VAMP1: variants seen among roughly 807,000 people sequenced by gnomAD.
The protein encoded by VAMP1 is vesicle associated membrane protein 1.
In VAMP1, 16 loss-of-function variants were observed where a neutral mutation model predicts 19.1. The observed-to-expected ratio is 0.84, with a 90% CI of 0.57 to 1.27. VAMP1 has a LOEUF of 1.27. VAMP1 is among the 50% of genes most tolerant of loss of function. VAMP1 has a pLI of 0.00. For synonymous variants in VAMP1, 37 were observed against 50.2 expected (o/e 0.74, Z 1.11); for missense variants, 109 against 145.4 (o/e 0.75, Z 1.29).
chr12:6,464,141 A>G lies in VAMP1; in HGVS notation c.*329T>C. On this transcript the variant is annotated 3_prime_UTR_variant, in exon 5 of 5. Transcript: ENST00000396308. ...CCCAAGTCTGGGCAGCTTCATGGGT[A>G]CTTCGCCTCAGCCACTCCCCTCCCT... The G allele has an allele frequency of 7.3e-7, 1 of 1,379,142 alleles. No individual in the cohort carries two copies. Among genetic ancestry groups the G allele is most frequent in the Non-Finnish European group, 9.6e-7 (1 of 1,046,754 alleles). The allele number at this position is 1,379,142 out of a possible 1,614,324, so 85.4% of individuals were successfully genotyped here.
At chr12:6,465,701 T>C in intron 3 of VAMP1, 141 bp downstream of exon 3, 1 of 1,208,726 alleles carries the variant, frequency 8.3e-7, no homozygotes, top group Non-Finnish European at 1.1e-6. Flanking sequence ...AAGAGGAGGC[T>C]TTCCAGATTT....
In VAMP1 at chr12:6,464,904, A is replaced by G; in HGVS notation, c.326T>C (p.Val109Ala). Residue 109 changes from valine to alanine, a missense_variant, in exon 4 of 5, where the codon GTG becomes GCG. Val to Ala is a moderately conservative substitution (Grantham distance 64, BLOSUM62 0). Coordinates refer to ENST00000396308, the MANE Select transcript of VAMP1 (RefSeq NM_014231.5). ...IMLGAICAII[V>A]VVIVIYFFT Reference sequence around the variant, plus strand: ...GCGATACTTACTTACAATAACTACCACGATGATGGCACAGATGGCTCCCAG... The same window carrying G: ...GCGATACTTACTTACAATAACTACCGCGATGATGGCACAGATGGCTCCCAG... 6.2e-7 allele frequency: 1 copy of G among 1,613,918 alleles called. No individual in the cohort carries two copies. Among genetic ancestry groups the G allele is most frequent in the Non-Finnish European group, 8.5e-7 (1 of 1,179,962 alleles).
Position 6,462,583 on chromosome 12 carries a change from TA to T in VAMP1, c.*1886del. On this transcript the variant is annotated 3_prime_UTR_variant, in exon 5 of 5. Coordinates refer to ENST00000396308, the MANE Select transcript of VAMP1 (RefSeq NM_014231.5). ...TGGGTGAGAAAGAAAGTAGAAGGGC[TA>T]ATACCCCCAAAGAACAAGGCCAACT... 5 of 578,592 alleles carry T rather than the reference TA, an allele frequency of 8.6e-6. No individual in the cohort carries two copies. Among genetic ancestry groups the T allele is most frequent in the Non-Finnish European group, 1.5e-5 (5 of 327,998 alleles). The allele number at this position is 578,592 out of a possible 1,614,324, so 35.8% of individuals were successfully genotyped here.
At position 6,466,256 on chromosome 12, in the gene VAMP1, C is replaced by A; in HGVS notation, c.98G>T (p.Arg33Leu). 3 of 1,614,174 alleles carry A rather than the reference C, an allele frequency of 1.9e-6. No homozygotes were observed. Among genetic ancestry groups the A allele is most frequent in the South Asian group, 2.2e-5 (2 of 91,042 alleles). Residue 33 changes from arginine to leucine, a missense_variant, in exon 2 of 5, where the codon CGA (arginine) becomes CTA (leucine). By Grantham distance (102) the Arg-to-Leu change is moderately radical. Coordinates refer to ENST00000396308, the MANE Select transcript of VAMP1 (RefSeq NM_014231.5). ...GPPPNMTSNRRLQQTQAQVEE... is the reference protein window; with the variant it reads ...GPPPNMTSNRLLQQTQAQVEE... ...CACTTGTGCCTGGGTTTGCTGTAGTCGTCTGTTACTGGTCATGTTAGGAGG... is the reference window on the plus strand; with the variant it reads ...CACTTGTGCCTGGGTTTGCTGTAGTAGTCTGTTACTGGTCATGTTAGGAGG...
rs1405826691 is a variant in VAMP1 at position 6,463,130 on chromosome 12, C to T, written c.*1340G>A. 37 of 1,488,446 alleles carry T rather than the reference C, an allele frequency of 2.5e-5. No homozygotes were observed. Among genetic ancestry groups the T allele is most frequent in the Non-Finnish European group, 7.1e-6 (8 of 1,123,032 alleles). The allele number at this position is 1,488,446 out of a possible 1,614,324, so 92.2% of individuals were successfully genotyped here. On this transcript the variant is annotated 3_prime_UTR_variant, in exon 5 of 5. Coordinates refer to ENST00000396308, the MANE Select transcript of VAMP1 (RefSeq NM_014231.5). This position sits in a 1 kb window ranked among gnomAD's most constrained non-coding sequence, Gnocchi z 4.0. ...AGATAGGCTGAGCAGATCCCATCCT[C>T]AGGTTCCACTGTCTATACACACAAA...
chr12:6,465,737 G>C, intron 3 of VAMP1, 105 bp downstream of exon 3: 1 of 1,442,630 alleles, frequency 6.9e-7, no homozygotes, highest in Non-Finnish European at 9.3e-7. Flanking sequence ...GCTGGTCAGA[G>C]AGATCCTGCA....
In VAMP1 at chr12:6,463,801, TCA is replaced by T. The variant is rs1949938122; in HGVS notation, c.*667_*668del. 1.7e-6 allele frequency: 2 copies of T among 1,189,870 alleles called. No individual in the cohort carries two copies. The highest frequency in any genetic ancestry group is 3.2e-5 in the African/African-American group (2 of 62,496). The allele number at this position is 1,189,870 out of a possible 1,614,324, so 73.7% of individuals were successfully genotyped here. Reference sequence around the variant, plus strand: ...AGGATGGAAACAAGTCCTGCTATTTTCACAATCCCTAAGTGTTCTCCAGGCCT... The same window carrying T: ...AGGATGGAAACAAGTCCTGCTATTTTCAATCCCTAAGTGTTCTCCAGGCCT... On this transcript the variant is annotated 3_prime_UTR_variant, in exon 5 of 5. Coordinates refer to ENST00000396308, the MANE Select transcript of VAMP1 (RefSeq NM_014231.5). The surrounding 1 kb of genome is among the most constrained non-coding windows in gnomAD (Gnocchi z 4.0).
chr12:6,464,768 A>T, intron 4 of VAMP1, 122 bp downstream of exon 4: 1 of 1,546,386 alleles, frequency 6.5e-7, no homozygotes, highest in Non-Finnish European at 8.7e-7. Flanking sequence ...TGACGATCCC[A>T]TAGCAGCGGT....
rs1024377698 is a variant in VAMP1 at position 6,462,331 on chromosome 12, A to G, written c.*2139T>C. On this transcript the variant is annotated 3_prime_UTR_variant, in exon 5 of 5. Coordinates refer to ENST00000396308, the MANE Select transcript of VAMP1 (RefSeq NM_014231.5). ...CTTTGGTGGAAGTACAACTGTTGTTATTACTCTATACAAGTATGAGATCAG... is the reference window on the plus strand; with the variant it reads ...CTTTGGTGGAAGTACAACTGTTGTTGTTACTCTATACAAGTATGAGATCAG... 1 of 582,438 alleles carries G rather than the reference A, an allele frequency of 1.7e-6. No homozygotes were observed. 36.1% of individuals were successfully genotyped at this position (582,438 alleles called of 1,614,324 possible). A position where few individuals can be genotyped will look rare whatever the true frequency, so the allele number is the denominator to read the frequency against.
rs1199654564 is a variant in VAMP1, at chr12:6,463,240, A to G, written c.*1230T>C. On this transcript the variant is annotated 3_prime_UTR_variant, in exon 5 of 5. Transcript: ENST00000396308. The surrounding 1 kb of genome is among the most constrained non-coding windows in gnomAD (Gnocchi z 4.0). ...TCAAAGGGGAATATACTACAGGAAG[A>G]ACAGAGAGGCGGCTCTCAAGGAGAG... 5 of 1,389,994 alleles carry G rather than the reference A, an allele frequency of 3.6e-6. No homozygotes were observed. The highest frequency in any genetic ancestry group is 4.7e-6 in the Non-Finnish European group (5 of 1,072,774). The allele number at this position is 1,389,994 out of a possible 1,614,324, so 86.1% of individuals were successfully genotyped here.
chr12:6,464,041 T>C lies in VAMP1; in HGVS notation c.*429A>G. On this transcript the variant is annotated 3_prime_UTR_variant, in exon 5 of 5. Coordinates refer to ENST00000396308, the MANE Select transcript of VAMP1 (RefSeq NM_014231.5). Reference sequence around the variant, plus strand: ...AGGCAGTACTGAGTGAGCTGCCATCTTCCCAGCCCCTCCCTAGCTCCTACC... The same window carrying C: ...AGGCAGTACTGAGTGAGCTGCCATCCTCCCAGCCCCTCCCTAGCTCCTACC... The C allele has an allele frequency of 7.7e-7, 1 of 1,296,206 alleles. No homozygotes were observed. The highest frequency in any genetic ancestry group is 1.0e-6 in the Non-Finnish European group (1 of 993,546). 80.3% of individuals were successfully genotyped at this position (1,296,206 alleles called of 1,614,324 possible). A position where few individuals can be genotyped will look rare whatever the true frequency, so the allele number is the denominator to read the frequency against.
Position 6,462,311 on chromosome 12 carries a change from G to A in VAMP1, c.*2159C>T. 3 of 600,494 alleles carry A rather than the reference G, an allele frequency of 5.0e-6. No homozygotes were observed. Among genetic ancestry groups the A allele is most frequent in the South Asian group, 4.1e-5 (2 of 48,206 alleles). 37.2% of individuals were successfully genotyped at this position (600,494 alleles called of 1,614,324 possible). A position where few individuals can be genotyped will look rare whatever the true frequency, so the allele number is the denominator to read the frequency against. ...TTGGTAAATATGCCACATGCCTTTG[G>A]TGGAAGTACAACTGTTGTTATTACT... On this transcript the variant is annotated 3_prime_UTR_variant, in exon 5 of 5. Transcript: ENST00000396308.
Position 6,463,177 on chromosome 12 carries a change from A to G in VAMP1, c.*1293T>C. On this transcript the variant is annotated 3_prime_UTR_variant, in exon 5 of 5. Coordinates refer to ENST00000396308, the MANE Select transcript of VAMP1 (RefSeq NM_014231.5). The surrounding 1 kb of genome is among the most constrained non-coding windows in gnomAD (Gnocchi z 4.0). ...CAAACCATGCAAAGAGGAGGAAGAG[A>G]AAGGAGGCAAAGTAGAATTCAGACA... 1 of 1,440,174 alleles carries G rather than the reference A, an allele frequency of 6.9e-7. No individual in the cohort carries two copies. Among genetic ancestry groups the G allele is most frequent in the Non-Finnish European group, 9.1e-7 (1 of 1,101,492 alleles). The allele number at this position is 1,440,174 out of a possible 1,614,324, so 89.2% of individuals were successfully genotyped here.
chr12:6,462,563 G>T lies in VAMP1; in HGVS notation c.*1907C>A. On this transcript the variant is annotated 3_prime_UTR_variant, in exon 5 of 5. Transcript: ENST00000396308. ...ACACAGAAGAGGGTACAGGGTGGGT[G>T]AGAAAGAAAGTAGAAGGGCTAATAC... The T allele has an allele frequency of 1.8e-6, 1 of 555,076 alleles. No individual in the cohort carries two copies. The highest frequency in any genetic ancestry group is 2.5e-5 in the South Asian group (1 of 40,060). The allele number at this position is 555,076 out of a possible 1,614,324, so 34.4% of individuals were successfully genotyped here. A position where few individuals can be genotyped will look rare whatever the true frequency, so the allele number is the denominator to read the frequency against.
intron 1 of VAMP1, among the ~76,000 whole-genome samples, chr12:6,470,038 G>T (rs1463715794): frequency 2.6e-5 from 4 of 152,188 alleles, no homozygotes; most frequent in East Asian, 1.9e-4. Context: ...CTGCCATGAG[G>T]GGGGCTAGAC....
At chr12:6,470,080 A>T (rs957011652) in intron 1 of VAMP1, among the ~76,000 whole-genome samples, 1 of 152,140 alleles carries the variant, frequency 6.6e-6, no homozygotes, top group African/African-American at 2.4e-5. Flanking sequence ...AAACAAATCC[A>T]GAGATTGTAG....
Position 6,463,349 on chromosome 12 carries a change from A to C in VAMP1, c.*1121T>G, listed in dbSNP as rs1949929774. 2.6e-6 allele frequency: 3 copies of C among 1,137,006 alleles called. No individual in the cohort carries two copies. Among genetic ancestry groups the C allele is most frequent in the East Asian group, 6.1e-5 (1 of 16,268 alleles). The allele number at this position is 1,137,006 out of a possible 1,614,324, so 70.4% of individuals were successfully genotyped here. A position where few individuals can be genotyped will look rare whatever the true frequency, so the allele number is the denominator to read the frequency against. ...CCCAAGGTGGGGCTGGTGGGTCTAC[A>C]TGACTTCTCTGCATCCTGAGGATCG... On this transcript the variant is annotated 3_prime_UTR_variant, in exon 5 of 5. Coordinates refer to ENST00000396308, the MANE Select transcript of VAMP1 (RefSeq NM_014231.5). This position sits in a 1 kb window ranked among gnomAD's most constrained non-coding sequence, Gnocchi z 4.0.
intron 1 of VAMP1, among the ~76,000 whole-genome samples, chr12:6,469,870 G>C (rs1389046355): frequency 6.6e-6 from 1 of 152,180 alleles, no homozygotes; most frequent in Admixed American, 6.5e-5. Flanking sequence ...CCAACTATTT[G>C]GTAAGACTCG....
At chr12:6,468,979 ATTAT>A (rs1308083023) in intron 1 of VAMP1, among the ~76,000 whole-genome samples, 9 of 152,242 alleles carry the variant, frequency 5.9e-5, no homozygotes, top group Non-Finnish European at 1.2e-4. Flanking sequence ...CTAAAAGGAA[ATTAT>A]TTGACTAATT....
Sources: allele counts gnomAD v4.1 joint callset (sites outside exome capture counted in the v4.1 genomes callset), GRCh38; gene constraint gnomAD v4.1.1; non-coding constraint Gnocchi (gnomAD v3.1); transcripts MANE v1.5; gene names NCBI Gene and HGNC (gene_info 2026-07-23, HGNC 2026-07-21).